PSEN1: variants seen among roughly 807,000 people sequenced by gnomAD.
The protein encoded by PSEN1 is presenilin 1, also known as presenilin-1.
PSEN1 carries 15 observed loss-of-function variants against 53.5 expected under a neutral mutation model. That is an observed-to-expected ratio of 0.28 (90% CI 0.19 to 0.43). PSEN1 has a LOEUF of 0.43. Ranked by LOEUF, PSEN1 falls within the 20% of genes least tolerant of loss-of-function variation. The pLI is 1.00. For missense variants in PSEN1, 387 were observed against 571.2 expected (o/e 0.68, Z 3.29); for synonymous variants, 208 against 209.8 (o/e 0.99, Z 0.08).
intron 1 of PSEN1, among the ~76,000 whole-genome samples, chr14:73,139,118 C>G (rs891241826): frequency 2.0e-5 from 3 of 150,128 alleles, no homozygotes; most frequent in African/African-American, 7.4e-5. Flanking sequence ...CCCGTCTCTA[C>G]TAAAAGTACA....
chr14:73,191,973 G>A (rs1898735606), intron 6 of PSEN1, among the ~76,000 whole-genome samples: 1 of 152,146 alleles, frequency 6.6e-6, no homozygotes, highest in South Asian at 2.1e-4. Context: ...ATTTCCCAAA[G>A]TATAGTATGG....
intron 6 of PSEN1, among the ~76,000 whole-genome samples, chr14:73,191,918 T>C (rs943354617): frequency 3.3e-5 from 5 of 152,228 alleles, no homozygotes; most frequent in African/African-American, 1.2e-4. Flanking sequence ...TAAAATTTGT[T>C]AGCACATGTT....
intron 8 of PSEN1, among the ~76,000 whole-genome samples, chr14:73,199,130 T>G (rs1899074513): frequency 6.6e-6 from 1 of 152,222 alleles, no homozygotes; most frequent in Admixed American, 6.5e-5. Flanking sequence ...GGCTCATATC[T>G]AATTTAGTTG....
chr14:73,160,630 T>C (rs1266478854), intron 3 of PSEN1, among the ~76,000 whole-genome samples: 6 of 152,214 alleles, frequency 3.9e-5, no homozygotes, highest in African/African-American at 1.4e-4. Context: ...TTCTAATGAT[T>C]AGTGATGTTG....
At chr14:73,177,288 C>T (rs1566632593) in intron 5 of PSEN1, among the ~76,000 whole-genome samples, 1 of 152,214 alleles carries the variant, frequency 6.6e-6, no homozygotes, top group African/African-American at 2.4e-5. Context: ...CTTTGCATAT[C>T]TCTTCTACTC....
intron 8 of PSEN1, among the ~76,000 whole-genome samples, chr14:73,200,075 G>A (rs1319238920): frequency 6.6e-6 from 1 of 152,140 alleles, no homozygotes; most frequent in Non-Finnish European, 1.5e-5. Context: ...GCCTGTGTCT[G>A]TGCATACATG....
intron 9 of PSEN1, chr14:73,209,031 C>T (rs929187605): frequency 3.1e-5 from 11 of 350,812 alleles, no homozygotes; most frequent in Non-Finnish European, 5.1e-5. Context: ...AGCGCCCGCA[C>T]ACCCGGCCAG....
intron 4 of PSEN1, among the ~76,000 whole-genome samples, chr14:73,172,574 T>C (rs1194611886): frequency 6.6e-6 from 1 of 152,236 alleles, no homozygotes; most frequent in Non-Finnish European, 1.5e-5. Context: ...GGTTTATACA[T>C]TGTCTGTGGC....
At chr14:73,196,084 T>C (rs1416819552) in intron 7 of PSEN1, among the ~76,000 whole-genome samples, 1 of 152,188 alleles carries the variant, frequency 6.6e-6, no homozygotes, top group Non-Finnish European at 1.5e-5. Context: ...ACCCAATGTT[T>C]AGAGTAGTGA....
At chr14:73,184,537 C>G (rs1389288626) in intron 5 of PSEN1, among the ~76,000 whole-genome samples, 1 of 135,932 alleles carries the variant, frequency 7.4e-6, no homozygotes, top group South Asian at 2.4e-4. Flanking sequence ...CCACCTCCCT[C>G]TCGGACAGGG....
chr14:73,181,678 G>A (rs1414312610), intron 5 of PSEN1, among the ~76,000 whole-genome samples: 1 of 152,214 alleles, frequency 6.6e-6, no homozygotes, highest in African/African-American at 2.4e-5. Context: ...AAAGCAGAAT[G>A]TAAACAGTAC....
At chr14:73,144,473 A>G (rs1897014259) in intron 1 of PSEN1, among the ~76,000 whole-genome samples, 1 of 152,208 alleles carries the variant, frequency 6.6e-6, no homozygotes, top group Non-Finnish European at 1.5e-5. Context: ...TAAGTAATAG[A>G]TTTACTAGTA....
intron 5 of PSEN1, among the ~76,000 whole-genome samples, chr14:73,175,039 G>A (rs1390396386): frequency 1.3e-5 from 2 of 152,126 alleles, no homozygotes; most frequent in Non-Finnish European, 2.9e-5. Context: ...ATAAGTGTTC[G>A]GCCAGGCATG....
At chr14:73,199,796 AGTGCAGTGGT>A (rs1899104569) in intron 8 of PSEN1, among the ~76,000 whole-genome samples, 1 of 152,198 alleles carries the variant, frequency 6.6e-6, no homozygotes. Flanking sequence ...TGCAGGCTGG[AGTGCAGTGGT>A]GCGATCTCGG....
At chr14:73,160,083 CA>C in intron 3 of PSEN1, 2 of 279,120 alleles carry the variant, frequency 7.2e-6, no homozygotes, top group Admixed American at 3.4e-5. Flanking sequence ...TTTGGCCTCC[CA>C]AAATACAGAG....
intron 6 of PSEN1, among the ~76,000 whole-genome samples, chr14:73,187,925 G>A (rs533005474): frequency 6.6e-6 from 1 of 152,154 alleles, no homozygotes; most frequent in Admixed American, 6.6e-5. Flanking sequence ...TTCAGCAATA[G>A]ATGAAAAGAA....
chr14:73,188,704 T>C (rs959145852), intron 6 of PSEN1, among the ~76,000 whole-genome samples: 4 of 152,220 alleles, frequency 2.6e-5, no homozygotes, highest in African/African-American at 9.6e-5. Flanking sequence ...AAGGCCAATG[T>C]CATCCTCATA....
intron 4 of PSEN1, among the ~76,000 whole-genome samples, chr14:73,172,580 G>C (rs1044768758): frequency 6.6e-6 from 1 of 152,200 alleles, no homozygotes; most frequent in African/African-American, 2.4e-5. Context: ...TACATTGTCT[G>C]TGGCTGCTTT....
At chr14:73,165,260 C>T (rs1897675365) in intron 3 of PSEN1, among the ~76,000 whole-genome samples, 1 of 152,070 alleles carries the variant, frequency 6.6e-6, no homozygotes, top group Admixed American at 6.6e-5. Flanking sequence ...CCGGCCCAAA[C>T]TGTGCTTTTT....
Sources: gnomAD v4.1 joint callset for allele counts (sites outside exome capture counted in the v4.1 genomes callset) on GRCh38, gnomAD v4.1.1 for gene constraint, MANE v1.5 for transcripts, NCBI Gene and HGNC (gene_info 2026-07-23, HGNC 2026-07-21) for gene names.